The following KLHL1 variants were observed in gnomAD, a reference collection of about 807,000 sequenced individuals.
KLHL1 encodes the protein kelch-like protein 1.
A neutral mutation model predicts 77.7 loss-of-function variants in KLHL1; 47 were observed. The observed-to-expected ratio is 0.60, with a 90% CI of 0.48 to 0.77. The LOEUF (loss-of-function observed/expected upper bound fraction) is 0.77. KLHL1 is among the 30% of genes least tolerant of loss of function. The pLI is 0.00. For missense variants in KLHL1, 925 were observed against 910.8 expected (o/e 1.02, Z -0.20); for synonymous variants, 360 against 325.2 (o/e 1.11, Z -1.15).
chr13:70,036,713 C>T (rs1886246603), intron 1 of KLHL1, among the ~76,000 whole-genome samples: 1 of 151,336 alleles, frequency 6.6e-6, no homozygotes, highest in African/African-American at 2.4e-5. Flanking sequence ...TTTAAATTTC[C>T]TTGTTTAAAT....
At chr13:69,880,107 A>G (rs946697702) in intron 5 of KLHL1, among the ~76,000 whole-genome samples, 2 of 152,268 alleles carry the variant, frequency 1.3e-5, no homozygotes, top group South Asian at 2.1e-4. Flanking sequence ...GTGTATATTC[A>G]TATCTGGCCA....
chr13:69,982,437 AAATAATAATAATAATAAT>A (rs34183465), intron 1 of KLHL1, among the ~76,000 whole-genome samples: 9 of 135,740 alleles, frequency 6.6e-5, no homozygotes, highest in East Asian at 4.2e-4. Context: ...CTCCATCTCC[AAATAATAATAATAATAAT>A]AATAATAATA....
chr13:69,932,803 A>G (rs958900001), intron 4 of KLHL1, among the ~76,000 whole-genome samples: 18 of 151,976 alleles, frequency 1.2e-4, no homozygotes, highest in African/African-American at 4.3e-4. Context: ...TAATTTTACC[A>G]ATGACTCCAA....
rs7329257 is a variant in KLHL1 at position 70,047,208 on chromosome 13, C to T, written c.497+59995G>A. ...AAAACACAGTATTGTAGATATGAAACATAAGAAAACTTATAAAACTTGGTT... is the reference window on the plus strand; with the variant it reads ...AAAACACAGTATTGTAGATATGAAATATAAGAAAACTTATAAAACTTGGTT... On this transcript the variant is annotated intron_variant, in intron 1 of 10. Coordinates refer to ENST00000377844, the MANE Select transcript of KLHL1 (RefSeq NM_020866.3). 1.3e-3 allele frequency among the ~76,000 whole-genome samples: 183 copies of T among 145,716 alleles called. 1 individual carries two copies. Among genetic ancestry groups the T allele is most frequent in the African/African-American group, 4.3e-3 (170 of 39,264 alleles).
At chr13:69,916,052 A>G (rs1233233086) in intron 4 of KLHL1, among the ~76,000 whole-genome samples, 4 of 152,146 alleles carry the variant, frequency 2.6e-5, no homozygotes, top group Non-Finnish European at 5.9e-5. Flanking sequence ...ACCATCTCAC[A>G]CCAGTTAGAA....
intron 9 of KLHL1, among the ~76,000 whole-genome samples, chr13:69,711,065 A>G (rs150584277): frequency 6.6e-6 from 1 of 152,232 alleles, no homozygotes; most frequent in Non-Finnish European, 1.5e-5. Context: ...ACCAAATTGA[A>G]TTTTTTAAGA....
chr13:69,785,345 AG>A (rs778042227), intron 7 of KLHL1, among the ~76,000 whole-genome samples: 3 of 152,236 alleles, frequency 2.0e-5, no homozygotes, highest in Non-Finnish European at 4.4e-5. Flanking sequence ...CTCAGGATTA[AG>A]AAACTCACTC....
chr13:69,932,180 GCCTTATA>G (rs1883023744), intron 4 of KLHL1, among the ~76,000 whole-genome samples: 1 of 151,638 alleles, frequency 6.6e-6, no homozygotes. Flanking sequence ...GCTGTGTGTT[GCCTTATA>G]CAGTCTAGCT....
At chr13:69,864,302 A>G (rs991141770) in intron 5 of KLHL1, among the ~76,000 whole-genome samples, 2 of 151,936 alleles carry the variant, frequency 1.3e-5, no homozygotes, top group Admixed American at 1.3e-4. Flanking sequence ...TTAAAATATT[A>G]TAAGAAAAAT....
intron 1 of KLHL1, among the ~76,000 whole-genome samples, chr13:69,983,943 C>T (rs1207836555): frequency 6.6e-6 from 1 of 151,788 alleles, no homozygotes; most frequent in Non-Finnish European, 1.5e-5. Context: ...GCTTGGAAAA[C>T]TGGATATTCA....
intron 1 of KLHL1, among the ~76,000 whole-genome samples, chr13:69,993,350 T>C (rs1388605306): frequency 6.6e-6 from 1 of 152,054 alleles, no homozygotes; most frequent in African/African-American, 2.4e-5. Context: ...AATCTTCATT[T>C]AACTCCAAAT....
chr13:69,779,765 CTTGTT>C (rs1372963747), intron 7 of KLHL1, among the ~76,000 whole-genome samples: 2 of 151,742 alleles, frequency 1.3e-5, no homozygotes, highest in Non-Finnish European at 2.9e-5. Context: ...GCTCCAAAAA[CTTGTT>C]TTATTTCCTA....
intron 2 of KLHL1, among the ~76,000 whole-genome samples, chr13:69,970,706 A>T (rs1253098934): frequency 6.6e-6 from 1 of 152,128 alleles, no homozygotes; most frequent in Non-Finnish European, 1.5e-5. Context: ...GGTGTGACTC[A>T]TTCTGCAGGA....
intron 1 of KLHL1, among the ~76,000 whole-genome samples, chr13:70,027,356 A>C (rs1885975756): frequency 6.8e-6 from 1 of 146,692 alleles, no homozygotes; most frequent in African/African-American, 2.5e-5. Flanking sequence ...TAGGAGCGTA[A>C]ATCCCTTTAG....
intron 6 of KLHL1, among the ~76,000 whole-genome samples, chr13:69,809,033 A>G (rs1045148836): frequency 2.0e-5 from 3 of 152,152 alleles, no homozygotes; most frequent in African/African-American, 4.8e-5. Context: ...ATTTCAAAAC[A>G]TGACCAAATC....
At chr13:69,840,693 T>TAA (rs200350455) in intron 5 of KLHL1, among the ~76,000 whole-genome samples, 4,952 of 142,944 alleles carry the variant, frequency 0.035, 287 homozygotes, top group African/African-American at 0.12. Context: ...TTTATATATA[T>TAA]ATATATATGT....
At chr13:69,861,215 A>G (rs1880142877) in intron 5 of KLHL1, among the ~76,000 whole-genome samples, 2 of 152,212 alleles carry the variant, frequency 1.3e-5, no homozygotes, top group African/African-American at 4.8e-5. Context: ...TAATACAGCA[A>G]ATTGCTTTTA....
chr13:69,992,920 A>G (rs1396412868), intron 1 of KLHL1, among the ~76,000 whole-genome samples: 1 of 143,122 alleles, frequency 7.0e-6, no homozygotes, highest in Non-Finnish European at 1.6e-5. Context: ...TATGCTGCAG[A>G]GGGAAAAAAA....
At chr13:69,836,525 A>G (rs1274408173) in intron 6 of KLHL1, among the ~76,000 whole-genome samples, 4 of 152,090 alleles carry the variant, frequency 2.6e-5, no homozygotes, top group Non-Finnish European at 5.9e-5. Flanking sequence ...ATTGAAAGCC[A>G]AACAAGAGTA....
Sources: allele counts gnomAD v4.1 joint callset (sites outside exome capture counted in the v4.1 genomes callset), GRCh38; gene constraint gnomAD v4.1.1; transcripts MANE v1.5; gene names NCBI Gene and HGNC (gene_info 2026-07-23, HGNC 2026-07-21).